The following PARD3 variants were observed in gnomAD, a reference collection of about 807,000 sequenced individuals.
The protein encoded by PARD3 is partitioning defective 3 homolog.
In PARD3, 75 loss-of-function variants were observed where a neutral mutation model predicts 155.4. The ratio of observed to expected loss-of-function variants is 0.48; its 90% CI spans 0.40 to 0.58. PARD3 has a LOEUF of 0.58. PARD3 is among the 20% of genes least tolerant of loss of function. The pLI is 0.00. For missense variants in PARD3, 1,642 were observed against 1,721.7 expected (o/e 0.95, Z 0.82); for synonymous variants, 576 against 610.5 (o/e 0.94, Z 0.83).
intron 1 of PARD3, among the ~76,000 whole-genome samples, chr10:34,797,727 T>C (rs4934515): frequency 0.38 from 57,643 of 151,962 alleles, 12,957 homozygotes; most frequent in African/African-American, 0.64. Context: ...ATATATTTTA[T>C]CCAAATTGGC....
At chr10:34,702,740 G>A (rs1241551946) in intron 1 of PARD3, among the ~76,000 whole-genome samples, 1 of 152,178 alleles carries the variant, frequency 6.6e-6, no homozygotes, top group East Asian at 1.9e-4. Context: ...AAGGCAGGGG[G>A]GAATCTGGCC....
Position 34,568,671 on chromosome 10 carries a change from G to A in PARD3, c.223-51512C>T, listed in dbSNP as rs541557705. ...GGCGTGACCTCCCCTGTTCTCAGAC[G>A]CAGCGATTTCCAAGCTAAAGAACAG... On this transcript the variant is annotated intron_variant, in intron 2 of 24. Coordinates refer to ENST00000374788, the MANE Select transcript of PARD3 (RefSeq NM_001184785.2). Among the ~76,000 whole-genome samples the A allele has an allele frequency of 3.9e-5, 6 of 152,280 alleles. No individual in the cohort carries two copies. In the South Asian group the frequency reaches 1.0e-3, roughly 26 times the overall value.
At chr10:34,730,617 C>G (rs970951599) in intron 1 of PARD3, among the ~76,000 whole-genome samples, 3 of 152,044 alleles carry the variant, frequency 2.0e-5, no homozygotes, top group African/African-American at 7.2e-5. Flanking sequence ...GCCATCGTCT[C>G]TACAAAAAAA....
In PARD3 at chr10:34,666,783, A is replaced by C. The variant is rs1207043021; in HGVS notation, c.222+29535T>G. On this transcript the variant is annotated intron_variant, in intron 2 of 24. Coordinates refer to ENST00000374788, the MANE Select transcript of PARD3 (RefSeq NM_001184785.2). ...CCTCACCTACCCCTCCCCCTAAAAA[A>C]AAAAAAAAAAAAAATATATATATAT... is the stretch of plus-strand genomic sequence containing the variant. 1.3e-3 allele frequency among the ~76,000 whole-genome samples: 120 copies of C among 92,486 alleles called. 6 individuals carry two copies. The highest frequency in any genetic ancestry group is 6.5e-3 in the African/African-American group (112 of 17,244). 60.7% of individuals were successfully genotyped at this position (92,486 alleles called of 152,430 possible). A position where few individuals can be genotyped will look rare whatever the true frequency, so the allele number is the denominator to read the frequency against.
intron 22 of PARD3, among the ~76,000 whole-genome samples, chr10:34,165,251 A>G (rs900980925): frequency 6.6e-6 from 1 of 152,102 alleles, no homozygotes; most frequent in Non-Finnish European, 1.5e-5. Flanking sequence ...ACTGATCTCA[A>G]TTTTAACTTA....
At chr10:34,634,205 G>A (rs921713037) in intron 2 of PARD3, among the ~76,000 whole-genome samples, 1 of 152,146 alleles carries the variant, frequency 6.6e-6, no homozygotes, top group Non-Finnish European at 1.5e-5. Context: ...GAAAAAATAG[G>A]GGAGTTGTGA....
chr10:34,728,391 A>G (rs2094756780), intron 1 of PARD3, among the ~76,000 whole-genome samples: 1 of 152,232 alleles, frequency 6.6e-6, no homozygotes, highest in Non-Finnish European at 1.5e-5. Flanking sequence ...TAGTCACATT[A>G]GCAGCCAGCT....
intron 5 of PARD3, among the ~76,000 whole-genome samples, chr10:34,403,435 T>G (rs1844111206): frequency 6.6e-6 from 1 of 152,186 alleles, no homozygotes; most frequent in African/African-American, 2.4e-5. Context: ...GAACAACAGA[T>G]AAGCAAGAGT....
In PARD3 at chr10:34,111,285, G is replaced by A. The variant is rs573679528; in HGVS notation, c.3946C>T (p.Pro1316Ser). Residue 1316 changes from proline to serine, a missense_variant, in exon 25 of 25, where the codon CCC becomes TCC. Physicochemically the swap from Pro to Ser is moderately conservative, Grantham distance 74 (BLOSUM62 -1). Around this residue, in one of 3 missense-constraint regions of PARD3, gnomAD observed 1,529 missense variants for 1,587.3 expected, o/e 0.96. Transcript: ENST00000374788. The stretch of plus-strand genomic sequence containing the variant: ...GGCCCCTTGGGAGGGGCGTAACTGG[G>A]GTCCTGGACTTTCTTATACGAGTCA... ...NYDSYKKVQD[P>S]SYAPPKGPFR... 19 of 1,613,862 alleles carry A rather than the reference G, an allele frequency of 1.2e-5. No individual in the cohort carries two copies. Among genetic ancestry groups the A allele is most frequent in the Non-Finnish European group, 1.6e-5 (19 of 1,179,878 alleles).
At chr10:34,147,859 C>A (rs186617161) in intron 22 of PARD3, among the ~76,000 whole-genome samples, 47 of 152,216 alleles carry the variant, frequency 3.1e-4, no homozygotes, top group African/African-American at 9.6e-4. Flanking sequence ...CATTTCAAAA[C>A]CACCTGGTGC....
chr10:34,635,989 ATAACTTTTCTTAAG>A (rs1321318338), intron 2 of PARD3, among the ~76,000 whole-genome samples: 2 of 151,894 alleles, frequency 1.3e-5, no homozygotes, highest in Non-Finnish European at 2.9e-5. Context: ...TTACGCAAGG[ATAACTTTTCTTAAG>A]TAACTTTTCT....
chr10:34,722,110 T>C (rs912483252), intron 1 of PARD3, among the ~76,000 whole-genome samples: 2 of 152,194 alleles, frequency 1.3e-5, no homozygotes, highest in Non-Finnish European at 2.9e-5. Flanking sequence ...GAGGACCACC[T>C]GAGCCCAGGG....
At chr10:34,448,131 CTGCGTGTGTG>C (rs916429916) in intron 5 of PARD3, among the ~76,000 whole-genome samples, 17 of 112,802 alleles carry the variant, frequency 1.5e-4, no homozygotes, top group African/African-American at 6.6e-4. Flanking sequence ...GTGATATACA[CTGCGTGTGTG>C]TGTGTGTGTG....
intron 2 of PARD3, among the ~76,000 whole-genome samples, chr10:34,693,128 G>A (rs915164901): frequency 6.6e-6 from 1 of 152,122 alleles, no homozygotes; most frequent in East Asian, 1.9e-4. Flanking sequence ...TGGAGAAAAG[G>A]GAATGTTTAT....
At chr10:34,474,346 C>G (rs1341759829) in intron 3 of PARD3, among the ~76,000 whole-genome samples, 2 of 152,152 alleles carry the variant, frequency 1.3e-5, no homozygotes, top group Admixed American at 6.5e-5. Context: ...ATACAGCCTA[C>G]AATTTAGACT....
chr10:34,795,220 C>G (rs1842115936), intron 1 of PARD3, among the ~76,000 whole-genome samples: 2 of 152,230 alleles, frequency 1.3e-5, no homozygotes, highest in Non-Finnish European at 2.9e-5. Context: ...GTTGCTTGCA[C>G]TGAAGGACAC....
chr10:34,313,836 A>G (rs10763979), intron 20 of PARD3, among the ~76,000 whole-genome samples: 63,231 of 151,936 alleles, frequency 0.42, 13,345 homozygotes, highest in South Asian at 0.51. Context: ...AAAGGAAAAC[A>G]TATTACTTCC....
chr10:34,467,738 C>A (rs2078102377), intron 4 of PARD3, among the ~76,000 whole-genome samples: 1 of 151,932 alleles, frequency 6.6e-6, no homozygotes, highest in Admixed American at 6.6e-5. Flanking sequence ...AAAGCAAGAC[C>A]CCATCTCTAA....
rs1258188728 is a variant in PARD3 at position 34,348,824 on chromosome 10, A to C, written c.2068-709T>G. ...ACACCAAGATAGGAGGATTTCAAAA[A>C]CATATACAATCTAATAAATAAGCAA... On this transcript the variant is annotated intron_variant, in intron 14 of 24. Transcript: ENST00000374788. Among the ~76,000 whole-genome samples the C allele has an allele frequency of 3.3e-5, 5 of 152,372 alleles. No homozygotes were observed. In the East Asian group the frequency reaches 9.6e-4, roughly 29 times the overall value.
Sources: allele counts gnomAD v4.1 joint callset (sites outside exome capture counted in the v4.1 genomes callset), GRCh38; gene constraint gnomAD v4.1.1; regional missense constraint gnomAD v4.1.1; transcripts MANE v1.5; gene names NCBI Gene and HGNC (gene_info 2026-07-23, HGNC 2026-07-21).